The following PDE4B variants were observed in gnomAD, a reference collection of about 807,000 sequenced individuals.
PDE4B encodes the protein phosphodiesterase 4B, also known as 3',5'-cyclic-AMP phosphodiesterase 4B.
Under a neutral mutation model 82.2 loss-of-function variants are expected in PDE4B, and 20 were observed. That is an observed-to-expected ratio of 0.24 (90% CI 0.17 to 0.35). The LOEUF (loss-of-function observed/expected upper bound fraction) is 0.35, where lower values mean the gene tolerates loss of function less well. Ranked by LOEUF, PDE4B falls within the 10% of genes least tolerant of loss-of-function variation. The pLI, the probability that PDE4B is intolerant of heterozygous loss-of-function variation, is 1.00. For synonymous variants in PDE4B, 320 were observed against 318.9 expected (o/e 1.00, Z -0.04); for missense variants, 655 against 907.2 (o/e 0.72, Z 3.57).
At chr1:66,362,723 G>A (rs1206879980) in intron 10 of PDE4B, among the ~76,000 whole-genome samples, 1 of 152,118 alleles carries the variant, frequency 6.6e-6, no homozygotes, top group Non-Finnish European at 1.5e-5. Context: ...TGATAGCTGA[G>A]TCTTCCTGAT....
intron 1 of PDE4B, among the ~76,000 whole-genome samples, chr1:65,859,997 A>T (rs1375724190): frequency 2.0e-5 from 3 of 152,184 alleles, no homozygotes; most frequent in African/African-American, 7.2e-5. Flanking sequence ...TAATCTGGTG[A>T]AACACTGTAG....
intron 3 of PDE4B, among the ~76,000 whole-genome samples, chr1:65,990,582 A>T (rs1201879337): frequency 6.6e-6 from 1 of 152,188 alleles, no homozygotes; most frequent in African/African-American, 2.4e-5. Flanking sequence ...CTGTGACATT[A>T]CTAATAGTTT....
At chr1:66,146,356 T>C (rs1462806992) in intron 3 of PDE4B, among the ~76,000 whole-genome samples, 1 of 151,942 alleles carries the variant, frequency 6.6e-6, no homozygotes, top group Admixed American at 6.6e-5. Context: ...GCTATTTTTT[T>C]GTATTTTTAG....
At chr1:65,800,785 C>T (rs1302676740) in intron 1 of PDE4B, among the ~76,000 whole-genome samples, 11 of 152,218 alleles carry the variant, frequency 7.2e-5, no homozygotes, top group African/African-American at 1.2e-4. Context: ...AGAGTGGTCA[C>T]GGTTGGGCTA....
intron 7 of PDE4B, among the ~76,000 whole-genome samples, chr1:66,297,632 A>G (rs1226388838): frequency 6.6e-6 from 1 of 152,156 alleles, no homozygotes; most frequent in Non-Finnish European, 1.5e-5. Context: ...ATTATATATT[A>G]TTCATTGCAG....
At chr1:65,889,675 G>A (rs1347097577) in intron 1 of PDE4B, among the ~76,000 whole-genome samples, 2 of 152,090 alleles carry the variant, frequency 1.3e-5, no homozygotes, top group African/African-American at 2.4e-5. Context: ...GTTGGTCATG[G>A]CATAAAGGGG....
chr1:65,798,587 C>T (rs1430647950), intron 1 of PDE4B, among the ~76,000 whole-genome samples: 1 of 151,190 alleles, frequency 6.6e-6, no homozygotes, highest in Non-Finnish European at 1.5e-5. Context: ...CTCCTGACCT[C>T]AAGTGATCCA....
At chr1:65,985,744 A>G (rs566885617) in intron 3 of PDE4B, among the ~76,000 whole-genome samples, 3 of 152,162 alleles carry the variant, frequency 2.0e-5, no homozygotes, top group African/African-American at 7.2e-5. Flanking sequence ...AAAGAGAGGA[A>G]CTCCCTTAGT....
intron 1 of PDE4B, among the ~76,000 whole-genome samples, chr1:65,899,665 AT>A (rs1415817511): frequency 6.8e-6 from 1 of 148,076 alleles, no homozygotes; most frequent in Non-Finnish European, 1.5e-5. Flanking sequence ...TATATATTCC[AT>A]TTTATATATA....
At chr1:65,945,850 A>G (rs1363708354) in intron 3 of PDE4B, among the ~76,000 whole-genome samples, 1 of 151,788 alleles carries the variant, frequency 6.6e-6, no homozygotes, top group Non-Finnish European at 1.5e-5. Flanking sequence ...CTTTGTGCCC[A>G]CTCTCATAGG....
At chr1:65,898,684 C>T (rs1357749141) in intron 1 of PDE4B, among the ~76,000 whole-genome samples, 1 of 151,972 alleles carries the variant, frequency 6.6e-6, no homozygotes, top group Non-Finnish European at 1.5e-5. Flanking sequence ...CAACTGATCT[C>T]TGACAAAGCA....
chr1:66,099,439 G>A (rs189746097), intron 3 of PDE4B, among the ~76,000 whole-genome samples: 4 of 152,216 alleles, frequency 2.6e-5, no homozygotes, highest in Non-Finnish European at 5.9e-5. Flanking sequence ...ATACATGCAT[G>A]TATTGAAGTA....
intron 3 of PDE4B, among the ~76,000 whole-genome samples, chr1:66,232,043 G>T (rs1651994549): frequency 6.6e-6 from 1 of 152,202 alleles, no homozygotes; most frequent in Non-Finnish European, 1.5e-5. Flanking sequence ...CTGCTCATAG[G>T]CATTTGGTTT....
At chr1:66,229,306 G>A (rs544736022) in intron 3 of PDE4B, among the ~76,000 whole-genome samples, 142 of 152,130 alleles carry the variant, frequency 9.3e-4, no homozygotes, top group Non-Finnish European at 1.4e-3. Flanking sequence ...ACCATGCCCG[G>A]CCCCCCAGAG....
At chr1:66,031,585 C>T (rs1459381085) in intron 3 of PDE4B, among the ~76,000 whole-genome samples, 1 of 152,158 alleles carries the variant, frequency 6.6e-6, no homozygotes, top group Non-Finnish European at 1.5e-5. Context: ...CACTTGTTTT[C>T]ATTTTTAATT....
At chr1:66,197,335 A>G (rs1466144103) in intron 3 of PDE4B, among the ~76,000 whole-genome samples, 1 of 152,160 alleles carries the variant, frequency 6.6e-6, no homozygotes, top group Non-Finnish European at 1.5e-5. Flanking sequence ...GCTTAGAGCC[A>G]TATTCTTGGC....
chr1:65,998,402 GC>G (rs2100699741), intron 3 of PDE4B, among the ~76,000 whole-genome samples: 1 of 151,456 alleles, frequency 6.6e-6, no homozygotes, highest in African/African-American at 2.4e-5. Context: ...TGGAGTTTTA[GC>G]CCATCCATTC....
chr1:66,184,738 G>T (rs1438657740), intron 3 of PDE4B, among the ~76,000 whole-genome samples: 5 of 151,898 alleles, frequency 3.3e-5, no homozygotes, highest in African/African-American at 7.3e-5. Context: ...ATCCTTATTA[G>T]TTGTGAATGG....
At chr1:65,877,612 CTAAA>C (rs1422883138) in intron 1 of PDE4B, among the ~76,000 whole-genome samples, 1 of 144,270 alleles carries the variant, frequency 6.9e-6, no homozygotes, top group East Asian at 2.0e-4. Context: ...AAGACTCTGT[CTAAA>C]AAATAAATAA....
Sources: allele counts gnomAD v4.1 joint callset (sites outside exome capture counted in the v4.1 genomes callset), GRCh38; gene constraint gnomAD v4.1.1; transcripts MANE v1.5; gene names NCBI Gene and HGNC (gene_info 2026-07-23, HGNC 2026-07-21).